Variants in RIMS4 observed in about 807,000 individuals in gnomAD.
RIMS4 encodes regulating synaptic membrane exocytosis 4.
RIMS4 carries 9 observed loss-of-function variants against 29.0 expected under a neutral mutation model. The ratio of observed to expected loss-of-function variants is 0.31; its 90% CI spans 0.19 to 0.54. The LOEUF (loss-of-function observed/expected upper bound fraction) is 0.54, where lower values mean the gene tolerates loss of function less well. Among genes scored for constraint, RIMS4 ranks in the 20% least tolerant of loss-of-function variants. The probability of loss-of-function intolerance (pLI) is 0.94; values close to 1 mark genes in which losing one functional copy is unlikely to be tolerated. For synonymous variants in RIMS4, 130 were observed against 152.9 expected, an observed-to-expected ratio of 0.85 and a Z score of 1.10; for missense variants, 193 against 365.7, an observed-to-expected ratio of 0.53 and a Z score of 3.85.
intron 1 of RIMS4, among the ~76,000 whole-genome samples, chr20:44,774,931 C>T (rs1371109232): frequency 1.3e-5 from 2 of 152,092 alleles, no homozygotes; most frequent in African/African-American, 4.8e-5. Context: ...AGCCTCTGGC[C>T]ACCAAGTCAC....
chr20:44,761,010 G>A (rs933441367), intron 2 of RIMS4, among the ~76,000 whole-genome samples: 3 of 152,134 alleles, frequency 2.0e-5, no homozygotes, highest in East Asian at 1.9e-4. Flanking sequence ...GTTACCCTGG[G>A]CCTGTTCTAG....
intron 1 of RIMS4, among the ~76,000 whole-genome samples, chr20:44,787,197 G>A (rs1294423099): frequency 1.3e-5 from 2 of 152,168 alleles, no homozygotes; most frequent in Non-Finnish European, 2.9e-5. Flanking sequence ...CAGAGCAAGG[G>A]GGAGTGGTGT....
At chr20:44,769,651 C>T (rs569428398) in intron 2 of RIMS4, among the ~76,000 whole-genome samples, 16 of 152,232 alleles carry the variant, frequency 1.1e-4, no homozygotes, top group Non-Finnish European at 1.9e-4. Flanking sequence ...CTCTCCCTTC[C>T]GCTGTCCTCC....
Position 44,777,155 on chromosome 20 carries a change from C to A in RIMS4, c.98-5742G>T, listed in dbSNP as rs1356446356. Among the ~76,000 whole-genome samples, 4 of 152,276 alleles carry A rather than the reference C, an allele frequency of 2.6e-5. No homozygotes were observed. In the East Asian group the frequency reaches 5.8e-4, roughly 22 times the overall value. On this transcript the variant is annotated intron_variant, in intron 1 of 5. Transcript: ENST00000372851. The stretch of plus-strand genomic sequence containing the variant: ...ACCTAGTCGATGTCAGTGTTTACAG[C>A]GTGAGCTCATTCGTCATTTACTTCC...
chr20:44,774,183 T>C (rs1319409343), intron 1 of RIMS4, among the ~76,000 whole-genome samples: 3 of 152,076 alleles, frequency 2.0e-5, no homozygotes, highest in Admixed American at 2.0e-4. Flanking sequence ...CTTTCCCAAC[T>C]ACCCCCACCA....
At chr20:44,766,986 A>G (rs1205577013) in intron 2 of RIMS4, among the ~76,000 whole-genome samples, 2 of 152,218 alleles carry the variant, frequency 1.3e-5, no homozygotes, top group African/African-American at 4.8e-5. Context: ...CTTCCTGAGG[A>G]GATAACTCCC....
intron 2 of RIMS4, among the ~76,000 whole-genome samples, chr20:44,760,063 A>G (rs868048683): frequency 2.0e-5 from 3 of 152,232 alleles, no homozygotes; most frequent in Non-Finnish European, 4.4e-5. Flanking sequence ...TTCCAAATCT[A>G]AGAAACAGAC....
intron 1 of RIMS4, among the ~76,000 whole-genome samples, chr20:44,791,008 G>C (rs1464916212): frequency 6.6e-6 from 1 of 152,240 alleles, no homozygotes; most frequent in Non-Finnish European, 1.5e-5. Context: ...CAAGTCTGTT[G>C]ACAGAAGAGT....
chr20:44,760,286 T>C (rs1212839405), intron 2 of RIMS4, among the ~76,000 whole-genome samples: 1 of 152,156 alleles, frequency 6.6e-6, no homozygotes, highest in Non-Finnish European at 1.5e-5. Context: ...GACTTGCACT[T>C]ACTCTTCTTA....
chr20:44,793,888 A>G (rs1403813933), intron 1 of RIMS4, among the ~76,000 whole-genome samples: 1 of 152,158 alleles, frequency 6.6e-6, no homozygotes, highest in East Asian at 1.9e-4. Context: ...TGGGCAACAT[A>G]GCGAGATTCT....
intron 1 of RIMS4, among the ~76,000 whole-genome samples, chr20:44,796,340 A>G (rs939665896): frequency 6.6e-6 from 1 of 152,216 alleles, no homozygotes; most frequent in Non-Finnish European, 1.5e-5. Context: ...ATGACAACAA[A>G]GACTGGACTT....
intron 1 of RIMS4, among the ~76,000 whole-genome samples, chr20:44,777,674 G>C (rs989225045): frequency 1.1e-4 from 16 of 152,276 alleles, no homozygotes; most frequent in African/African-American, 3.6e-4. Flanking sequence ...GGGAGAAGGA[G>C]AGAACTCAAC....
chr20:44,780,042 G>A lies in RIMS4; in HGVS notation c.98-8629C>T, dbSNP rs369422593. ...AACAGCACCCAGAACAGGACAGGAAGGAGGGGAAAAGGCCTGTAATACAGT... is the reference window on the plus strand; with the variant it reads ...AACAGCACCCAGAACAGGACAGGAAAGAGGGGAAAAGGCCTGTAATACAGT... On this transcript the variant is annotated intron_variant, in intron 1 of 5. Transcript: ENST00000372851. Among the ~76,000 whole-genome samples, 20 of 152,268 alleles carry A rather than the reference G, an allele frequency of 1.3e-4. No homozygotes were observed. In the South Asian group the frequency reaches 4.1e-3, roughly 32 times the overall value.
At chr20:44,788,971 T>A (rs573501531) in intron 1 of RIMS4, among the ~76,000 whole-genome samples, 6 of 152,054 alleles carry the variant, frequency 3.9e-5, no homozygotes, top group Non-Finnish European at 8.8e-5. Context: ...GTAATAATAA[T>A]AAATTACTAT....
At chr20:44,800,108 C>T (rs530704478) in intron 1 of RIMS4, among the ~76,000 whole-genome samples, 2 of 152,274 alleles carry the variant, frequency 1.3e-5, no homozygotes, top group East Asian at 1.9e-4. Context: ...CTGTGGAGCT[C>T]GTTACTTTCA....
chr20:44,789,723 G>C (rs916193649), intron 1 of RIMS4, among the ~76,000 whole-genome samples: 1 of 152,152 alleles, frequency 6.6e-6, no homozygotes, highest in Non-Finnish European at 1.5e-5. Context: ...ATCTGGCTGA[G>C]TTTTATTTAT....
At chr20:44,758,930 C>T (rs1193227527) in intron 2 of RIMS4, among the ~76,000 whole-genome samples, 1 of 152,212 alleles carries the variant, frequency 6.6e-6, no homozygotes, top group African/African-American at 2.4e-5. Flanking sequence ...CTGGATCAAG[C>T]TCTGCCTGAA....
chr20:44,779,830 T>C (rs1434734532), intron 1 of RIMS4, among the ~76,000 whole-genome samples: 1 of 152,180 alleles, frequency 6.6e-6, no homozygotes, highest in Non-Finnish European at 1.5e-5. Context: ...TTAACCACGG[T>C]GTGAACTGGA....
chr20:44,775,883 T>C (rs192936681), intron 1 of RIMS4, among the ~76,000 whole-genome samples: 35 of 152,376 alleles, frequency 2.3e-4, no homozygotes, highest in African/African-American at 7.7e-4. Context: ...CTCTTTTGTA[T>C]GCTTCTATGT....
Sources: gnomAD v4.1 joint callset for allele counts (sites outside exome capture counted in the v4.1 genomes callset) on GRCh38, gnomAD v4.1.1 for gene constraint, MANE v1.5 for transcripts, NCBI Gene and HGNC (gene_info 2026-07-23, HGNC 2026-07-21) for gene names.